Variants in NTM observed in about 807,000 individuals in gnomAD.
NTM encodes the protein IgLON family member 2.
NTM carries 13 observed loss-of-function variants against 42.1 expected under a neutral mutation model. The observed-to-expected ratio is 0.31, with a 90% CI of 0.20 to 0.49. The LOEUF (loss-of-function observed/expected upper bound fraction) is 0.49. Ranked by LOEUF, NTM falls within the 20% of genes least tolerant of loss-of-function variation. NTM has a pLI of 0.99. For missense variants in NTM, 373 were observed against 452.8 expected, an observed-to-expected ratio of 0.82 and a Z score of 1.60; for synonymous variants, 187 against 179.2, an observed-to-expected ratio of 1.04 and a Z score of -0.35.
At chr11:131,631,549 C>G (rs2063659821) in intron 1 of NTM, among the ~76,000 whole-genome samples, 1 of 152,166 alleles carries the variant, frequency 6.6e-6, no homozygotes, top group Non-Finnish European at 1.5e-5. Context: ...TAGCAATTGA[C>G]TCACAACAAA....
At chr11:131,646,022 T>G (rs1328138844) in intron 1 of NTM, among the ~76,000 whole-genome samples, 1 of 152,242 alleles carries the variant, frequency 6.6e-6, no homozygotes, top group African/African-American at 2.4e-5. Flanking sequence ...GTGAAAGATT[T>G]AGAAGCTGCA....
At chr11:131,579,890 G>A (rs1406587522) in intron 1 of NTM, among the ~76,000 whole-genome samples, 2 of 152,162 alleles carry the variant, frequency 1.3e-5, no homozygotes, top group Non-Finnish European at 2.9e-5. Flanking sequence ...TGAGACAGTT[G>A]AGTGAGCCCC....
At chr11:131,780,421 G>T (rs1480495037) in intron 1 of NTM, among the ~76,000 whole-genome samples, 2 of 152,086 alleles carry the variant, frequency 1.3e-5, no homozygotes, top group African/African-American at 4.8e-5. Flanking sequence ...TCAAATGTAG[G>T]AGTTTTATTT....
intron 1 of NTM, among the ~76,000 whole-genome samples, chr11:131,657,645 G>A (rs956270443): frequency 6.6e-6 from 1 of 152,134 alleles, no homozygotes; most frequent in Non-Finnish European, 1.5e-5. Flanking sequence ...GCCTTGCCAG[G>A]ATATAAGAAG....
At chr11:131,962,301 A>G (rs1193334022) in intron 2 of NTM, among the ~76,000 whole-genome samples, 2 of 152,178 alleles carry the variant, frequency 1.3e-5, no homozygotes, top group Admixed American at 6.5e-5. Flanking sequence ...GCAAGGCACA[A>G]CCAAACACAT....
At chr11:132,044,974 T>C (rs987973650) in intron 2 of NTM, among the ~76,000 whole-genome samples, 3 of 152,134 alleles carry the variant, frequency 2.0e-5, no homozygotes, top group Non-Finnish European at 4.4e-5. Flanking sequence ...ACCATTCCTA[T>C]TGAAAATATT....
chr11:132,075,901 A>T (rs1377817931), intron 2 of NTM, among the ~76,000 whole-genome samples: 1 of 152,190 alleles, frequency 6.6e-6, no homozygotes, highest in East Asian at 1.9e-4. Context: ...AATTCTTCTT[A>T]TGCAATAGGT....
intron 1 of NTM, among the ~76,000 whole-genome samples, chr11:131,763,124 C>T (rs1010779940): frequency 3.3e-5 from 5 of 152,040 alleles, no homozygotes; most frequent in Non-Finnish European, 5.9e-5. Flanking sequence ...GGGATGGTGC[C>T]CCCACACCAG....
intron 2 of NTM, among the ~76,000 whole-genome samples, chr11:132,109,917 C>T (rs1163406676): frequency 6.6e-6 from 1 of 152,216 alleles, no homozygotes; most frequent in Non-Finnish European, 1.5e-5. Context: ...TCCTGACTTA[C>T]AATTTGCCTG....
At chr11:131,555,897 C>G (rs996308689) in intron 1 of NTM, among the ~76,000 whole-genome samples, 2 of 152,162 alleles carry the variant, frequency 1.3e-5, no homozygotes, top group African/African-American at 4.8e-5. Flanking sequence ...CCATGAAGCC[C>G]CCAGATATGG....
At chr11:132,198,935 G>A (rs1187835622) in intron 3 of NTM, among the ~76,000 whole-genome samples, 1 of 152,208 alleles carries the variant, frequency 6.6e-6, no homozygotes, top group Admixed American at 6.5e-5. Context: ...GGAAGACAAG[G>A]TGTGTTTAGC....
At chr11:132,292,527 C>T (rs1426273585) in intron 4 of NTM, among the ~76,000 whole-genome samples, 2 of 151,992 alleles carry the variant, frequency 1.3e-5, no homozygotes, top group African/African-American at 4.8e-5. Flanking sequence ...GAAAAATGAA[C>T]CTTGAGAGTG....
intron 2 of NTM, among the ~76,000 whole-genome samples, chr11:131,992,546 G>A (rs1356522277): frequency 2.0e-5 from 3 of 152,052 alleles, no homozygotes; most frequent in Non-Finnish European, 4.4e-5. Context: ...AATCGCATCA[G>A]GGACCTCAAT....
intron 2 of NTM, among the ~76,000 whole-genome samples, chr11:131,918,096 G>T (rs2056678320): frequency 6.6e-6 from 1 of 152,162 alleles, no homozygotes; most frequent in African/African-American, 2.4e-5. Flanking sequence ...AGAGAGCTGG[G>T]AGGTCAACCA....
intron 1 of NTM, among the ~76,000 whole-genome samples, chr11:131,424,939 G>C (rs1370027954): frequency 6.7e-6 from 1 of 149,496 alleles, no homozygotes; most frequent in Admixed American, 6.7e-5. Flanking sequence ...GAATGCGGTG[G>C]CTCGATCTTG....
At chr11:131,807,495 C>T (rs531460644) in intron 1 of NTM, among the ~76,000 whole-genome samples, 1 of 152,314 alleles carries the variant, frequency 6.6e-6, no homozygotes, top group Non-Finnish European at 1.5e-5. Flanking sequence ...TTCAGACTGG[C>T]TGTCCCTTTG....
intron 4 of NTM, among the ~76,000 whole-genome samples, chr11:132,264,758 T>C (rs2093076470): frequency 1.3e-5 from 2 of 152,200 alleles, no homozygotes; most frequent in South Asian, 4.1e-4. Context: ...TATTTTCAAC[T>C]TTATTATCTC....
rs545218828 is a variant in NTM at position 132,243,739 on chromosome 11, G to A, written c.526+31592G>A. ...GAACTGACCATCTGCCCAACTTTTG[G>A]ACCAATCCTGGGCCACTGGTGGAGC... On this transcript the variant is annotated intron_variant, in intron 4 of 8. Transcript: ENST00000683400. Among the ~76,000 whole-genome samples, 41 of 152,276 alleles carry A rather than the reference G, an allele frequency of 2.7e-4. 1 individual carries two copies. In the South Asian group the frequency reaches 7.7e-3, roughly 28 times the overall value.
chr11:132,185,211 C>T (rs1264201964), intron 3 of NTM, among the ~76,000 whole-genome samples: 1 of 148,056 alleles, frequency 6.8e-6, no homozygotes, highest in Non-Finnish European at 1.5e-5. Flanking sequence ...CACTCTCACT[C>T]CCCCCATATG....
Sources: gnomAD v4.1 joint callset for allele counts (sites outside exome capture counted in the v4.1 genomes callset) on GRCh38, gnomAD v4.1.1 for gene constraint, MANE v1.5 for transcripts, NCBI Gene and HGNC (gene_info 2026-07-23, HGNC 2026-07-21) for gene names.